Variants in AUH observed in about 807,000 individuals in gnomAD.
AUH encodes the protein AU RNA binding methylglutaconyl-CoA hydratase, also known as methylglutaconyl-CoA hydratase, mitochondrial.
Under a neutral mutation model 42.3 loss-of-function variants are expected in AUH, and 29 were observed. The ratio of observed to expected loss-of-function variants is 0.69; its 90% CI spans 0.51 to 0.93. The LOEUF (loss-of-function observed/expected upper bound fraction) is 0.93, where lower values mean the gene tolerates loss of function less well. Ranked by LOEUF, AUH falls within the 40% of genes least tolerant of loss-of-function variation. The probability of loss-of-function intolerance (pLI) is 0.00; values close to 1 mark genes in which losing one functional copy is unlikely to be tolerated. For missense variants in AUH, 452 were observed against 438.1 expected, an observed-to-expected ratio of 1.03 and a Z score of -0.28; for synonymous variants, 174 against 166.4, an observed-to-expected ratio of 1.05 and a Z score of -0.35.
chr9:91,339,980 C>A (rs779328432), intron 3 of AUH, among the ~76,000 whole-genome samples: 11 of 152,174 alleles, frequency 7.2e-5, no homozygotes, highest in Non-Finnish European at 1.5e-4. Flanking sequence ...GTGGGGTAAC[C>A]TCTCAGAGGA....
chr9:91,223,985 T>C (rs1827284916), intron 6 of AUH, among the ~76,000 whole-genome samples: 1 of 152,216 alleles, frequency 6.6e-6, no homozygotes, highest in Admixed American at 6.5e-5. Flanking sequence ...GTTCTTGTTT[T>C]CTTACACATT....
intron 6 of AUH, among the ~76,000 whole-genome samples, chr9:91,257,998 T>C (rs541515691): frequency 6.6e-5 from 10 of 152,376 alleles, no homozygotes; most frequent in African/African-American, 1.2e-4. Flanking sequence ...AAGTATTTCA[T>C]GGTTTTTAAT....
Position 91,220,959 on chromosome 9 carries a change from A to G in AUH, c.689T>C (p.Met230Thr), listed in dbSNP as rs769547921. Residue 230 changes from methionine to threonine, a missense_variant, in exon 7 of 10, where the codon ATG becomes ACG. By Grantham distance (81) the Met-to-Thr change is moderately conservative (BLOSUM62 -1). Coordinates refer to ENST00000375731, the MANE Select transcript of AUH (RefSeq NM_001698.3). ...GTQRLPRAIG[M>T]SLAKELIFSA... Reference sequence around the variant, plus strand: ...GAATATGAGCTCCTTGGCCAGGGACATTCCAATGGCGCGTGGCAATCGCTG... The same window carrying G: ...GAATATGAGCTCCTTGGCCAGGGACGTTCCAATGGCGCGTGGCAATCGCTG... 1.2e-6 allele frequency: 2 copies of G among 1,614,234 alleles called. No individual in the cohort carries two copies. Among genetic ancestry groups the G allele is most frequent in the Non-Finnish European group, 1.7e-6 (2 of 1,180,040 alleles).
chr9:91,360,202 G>A (rs1194289341), intron 1 of AUH: 2 of 152,158 alleles, frequency 1.3e-5, no homozygotes, highest in Non-Finnish European at 2.9e-5. Context: ...ATTAGTAGCT[G>A]TACTTGCAAT....
At chr9:91,326,600 T>C (rs1829980481) in intron 3 of AUH, among the ~76,000 whole-genome samples, 1 of 152,134 alleles carries the variant, frequency 6.6e-6, no homozygotes, top group Admixed American at 6.5e-5. Context: ...CACAGGATAA[T>C]GAACACAAAT....
intron 4 of AUH, 87 bp downstream of exon 4, chr9:91,325,231 C>A: frequency 9.8e-7 from 1 of 1,020,428 alleles, no homozygotes. Flanking sequence ...AATATTTAAC[C>A]AATGCTTATA....
At chr9:91,238,026 A>C (rs1415836471) in intron 6 of AUH, among the ~76,000 whole-genome samples, 1 of 152,244 alleles carries the variant, frequency 6.6e-6, no homozygotes, top group Non-Finnish European at 1.5e-5. Flanking sequence ...TTTGCTAGTC[A>C]GTACTTCACT....
chr9:91,305,558 G>A (rs1220362397), intron 4 of AUH, among the ~76,000 whole-genome samples: 1 of 152,198 alleles, frequency 6.6e-6, no homozygotes, highest in Middle Eastern at 3.2e-3. Context: ...TGTTACCACT[G>A]TGAGCCCTGA....
chr9:91,361,857 G>C lies in AUH; in HGVS notation c.33C>G (p.Ala11=). MAAAVAAAPG[A]LGSLHAGGAR... is the part of the protein sequence containing the mutation. ...CGCCGCCAGCATGCAGGGATCCCAA[G>C]GCCCCAGGTGCCGCCGCCACCGCGG... Residue 11 remains alanine (A), a synonymous_variant, in exon 1 of 10, where the codon GCC becomes GCG. Transcript: ENST00000375731. 1 of 1,479,316 alleles carries C rather than the reference G, an allele frequency of 6.8e-7. No homozygotes were observed. Among genetic ancestry groups the C allele is most frequent in the South Asian group, 1.3e-5 (1 of 77,768 alleles). 91.6% of individuals were successfully genotyped at this position (1,479,316 alleles called of 1,614,324 possible).
At chr9:91,239,477 CTG>C (rs963405740) in intron 6 of AUH, among the ~76,000 whole-genome samples, 3 of 152,170 alleles carry the variant, frequency 2.0e-5, no homozygotes, top group African/African-American at 4.8e-5. Flanking sequence ...CTGTGGGACT[CTG>C]TGTCAGATGG....
At chr9:91,315,519 C>T (rs73651416) in intron 4 of AUH, among the ~76,000 whole-genome samples, 6,083 of 152,206 alleles carry the variant, frequency 0.04, 383 homozygotes, top group African/African-American at 0.13. Context: ...GTGGGAATAG[C>T]CACCTTGCAG....
intron 4 of AUH, among the ~76,000 whole-genome samples, chr9:91,322,714 C>A (rs1204036527): frequency 1.3e-5 from 2 of 152,046 alleles, no homozygotes; most frequent in African/African-American, 4.8e-5. Context: ...TCACACCAAA[C>A]CAAAAAAGAA....
chr9:91,361,702 G>T lies in AUH; in HGVS notation c.188C>A (p.Pro63Gln), dbSNP rs11549739. Residue 63 changes from proline to glutamine, a missense_variant, in exon 1 of 10, where the codon CCG (proline) becomes CAG (glutamine). Coordinates refer to ENST00000375731, the MANE Select transcript of AUH (RefSeq NM_001698.3). Reference protein sequence around the residue: ...GWVPAAGGPAPKRGYSSEMKT... With the variant: ...GWVPAAGGPAQKRGYSSEMKT... ...CATCTCAGAGCTGTAGCCCCTTTTCGGGGCGGGACCCCCGGCCGCAGGTAC... is the reference window on the plus strand; with the variant it reads ...CATCTCAGAGCTGTAGCCCCTTTTCTGGGCGGGACCCCCGGCCGCAGGTAC... The T allele has an allele frequency of 6.4e-7, 1 of 1,559,042 alleles. No individual in the cohort carries two copies. The highest frequency in any genetic ancestry group is 2.4e-5 in the East Asian group (1 of 41,794).
intron 9 of AUH, among the ~76,000 whole-genome samples, chr9:91,215,315 T>C (rs908666575): frequency 5.9e-4 from 90 of 152,320 alleles, no homozygotes; most frequent in African/African-American, 2.2e-3. Flanking sequence ...CTCCTGCAGA[T>C]GCCAAAATCT....
intron 6 of AUH, among the ~76,000 whole-genome samples, chr9:91,287,838 T>A (rs1826538028): frequency 6.6e-6 from 1 of 152,000 alleles, no homozygotes; most frequent in Non-Finnish European, 1.5e-5. Context: ...GTGATAATAG[T>A]GTTGATTATG....
intron 4 of AUH, among the ~76,000 whole-genome samples, chr9:91,312,836 T>C (rs1321195664): frequency 6.6e-6 from 1 of 152,180 alleles, no homozygotes; most frequent in Non-Finnish European, 1.5e-5. Context: ...GGAGGGTCTG[T>C]ATAGGAAGCA....
chr9:91,305,576 T>A (rs1054773138), intron 4 of AUH, among the ~76,000 whole-genome samples: 3 of 152,212 alleles, frequency 2.0e-5, no homozygotes, highest in Non-Finnish European at 1.5e-5. Flanking sequence ...TGAGAAAAGT[T>A]GCTTAATTTT....
At chr9:91,248,127 G>A (rs1018932047) in intron 6 of AUH, among the ~76,000 whole-genome samples, 5 of 152,024 alleles carry the variant, frequency 3.3e-5, no homozygotes, top group African/African-American at 1.2e-4. Flanking sequence ...CCTGAACTTT[G>A]TTCTAAGCAC....
At chr9:91,313,038 C>G (rs1270686644) in intron 4 of AUH, among the ~76,000 whole-genome samples, 1 of 151,460 alleles carries the variant, frequency 6.6e-6, no homozygotes, top group Non-Finnish European at 1.5e-5. Context: ...GGAAAAAAAA[C>G]TAATTGGTTA....
Sources: allele counts gnomAD v4.1 joint callset (sites outside exome capture counted in the v4.1 genomes callset), GRCh38; gene constraint gnomAD v4.1.1; transcripts MANE v1.5; gene names NCBI Gene and HGNC (gene_info 2026-07-23, HGNC 2026-07-21).